TRDMT1: variants seen among roughly 807,000 people sequenced by gnomAD.
TRDMT1 encodes the protein tRNA (cytosine(38)-C(5))-methyltransferase.
In TRDMT1, 49 loss-of-function variants were observed where a neutral mutation model predicts 51.2. The ratio of observed to expected loss-of-function variants is 0.96; its 90% confidence interval spans 0.76 to 1.21. The LOEUF (loss-of-function observed/expected upper bound fraction) is 1.21, where lower values mean the gene tolerates loss of function less well. Among genes scored for constraint, TRDMT1 ranks in the 50% most tolerant of loss-of-function variants. The probability of loss-of-function intolerance (pLI) is 0.00; values close to 1 mark genes in which losing one functional copy is unlikely to be tolerated. For synonymous variants in TRDMT1, 187 were observed against 164.6 expected (o/e 1.14, Z -1.04); for missense variants, 534 against 462.3 (o/e 1.16, Z -1.42).
At chr10:17,180,993 T>C (rs1407442681) in intron 1 of TRDMT1, among the ~76,000 whole-genome samples, 5 of 152,232 alleles carry the variant, frequency 3.3e-5, no homozygotes, top group Non-Finnish European at 1.5e-5. Context: ...AAATATGATT[T>C]CTAGTTATAC....
chr10:17,146,354 C>G lies in TRDMT1; in HGVS notation c.*2686G>C. On this transcript the variant is annotated 3_prime_UTR_variant, in exon 11 of 11. Coordinates refer to ENST00000377799, the MANE Select transcript of TRDMT1 (RefSeq NM_004412.7). The stretch of plus-strand genomic sequence containing the variant: ...AAGGTCTGATTTCACAGACAGAACA[C>G]CATGGCCAGGGTCCTCTGTGAAGGT... 1 of 985,450 alleles carries G rather than the reference C, an allele frequency of 1.0e-6. No individual in the cohort carries two copies. The highest frequency in any genetic ancestry group is 4.7e-5 in the South Asian group (1 of 21,290). 61.0% of individuals were successfully genotyped at this position (985,450 alleles called of 1,614,324 possible). A position where few individuals can be genotyped will look rare whatever the true frequency, so the allele number is the denominator to read the frequency against.
At position 17,144,178 on chromosome 10, in the gene TRDMT1, C is replaced by G; in HGVS notation, c.*4862G>C. On this transcript the variant is annotated 3_prime_UTR_variant, in exon 11 of 11. Coordinates refer to ENST00000377799, the MANE Select transcript of TRDMT1 (RefSeq NM_004412.7). Reference sequence around the variant, plus strand: ...CTCTTCTTTTTCTCTTTCTCTCTTTCACTCTCATCCTCTGACCCTCTAGGT... The same window carrying G: ...CTCTTCTTTTTCTCTTTCTCTCTTTGACTCTCATCCTCTGACCCTCTAGGT... 1 of 985,712 alleles carries G rather than the reference C, an allele frequency of 1.0e-6. No individual in the cohort carries two copies. The highest frequency in any genetic ancestry group is 1.2e-6 in the Non-Finnish European group (1 of 829,974). 61.1% of individuals were successfully genotyped at this position (985,712 alleles called of 1,614,324 possible).
intron 2 of TRDMT1, among the ~76,000 whole-genome samples, chr10:17,173,001 A>C (rs1428033695): frequency 6.6e-6 from 1 of 152,184 alleles, no homozygotes; most frequent in Non-Finnish European, 1.5e-5. Flanking sequence ...ATATTTAGAT[A>C]TTTAAAAATA....
At chr10:17,159,881 A>AT (rs1314607304) in intron 6 of TRDMT1, among the ~76,000 whole-genome samples, 2 of 152,194 alleles carry the variant, frequency 1.3e-5, no homozygotes, top group East Asian at 3.8e-4. Context: ...CATGAAATGG[A>AT]AGCAGTGTTT....
At position 17,141,123 on chromosome 10, in the gene TRDMT1, C is replaced by A. The variant is rs1327175305; in HGVS notation, c.*7917G>T. 6.6e-6 allele frequency among the ~76,000 whole-genome samples: 1 copy of A among 152,194 alleles called. No individual in the cohort carries two copies. Among genetic ancestry groups the A allele is most frequent in the African/African-American group, 2.4e-5 (1 of 41,470 alleles). On this transcript the variant is annotated 3_prime_UTR_variant, in exon 11 of 11. Transcript: ENST00000377799. Reference sequence around the variant, plus strand: ...CTACTGTCATCCAAATTGTGTCCCCCGCCCCATGGCAACGTGTCATTTTTC... The same window carrying A: ...CTACTGTCATCCAAATTGTGTCCCCAGCCCCATGGCAACGTGTCATTTTTC...
chr10:17,158,686 C>T (rs558734028), intron 7 of TRDMT1, among the ~76,000 whole-genome samples: 1 of 152,228 alleles, frequency 6.6e-6, no homozygotes, highest in South Asian at 2.1e-4. Context: ...CTAATCATTA[C>T]TATATTTTAA....
intron 1 of TRDMT1, among the ~76,000 whole-genome samples, chr10:17,188,085 G>T (rs542234351): frequency 6.3e-4 from 96 of 151,562 alleles, no homozygotes; most frequent in African/African-American, 2.3e-3. Flanking sequence ...AACAAACTCT[G>T]TTTTTTGAAC....
chr10:17,200,562 A>G lies in TRDMT1; in HGVS notation c.64+1009T>C, dbSNP rs192259999. 833 of 167,598 alleles carry G rather than the reference A, an allele frequency of 5.0e-3. 2 individuals are homozygous for G. Among genetic ancestry groups the G allele is most frequent in the Middle Eastern group, 0.01 (3 of 296 alleles). 10.4% of individuals were successfully genotyped at this position (167,598 alleles called of 1,614,324 possible). A position where few individuals can be genotyped will look rare whatever the true frequency, so the allele number is the denominator to read the frequency against. On this transcript the variant is annotated intron_variant, in intron 1 of 10. Coordinates refer to ENST00000377799, the MANE Select transcript of TRDMT1 (RefSeq NM_004412.7). Reference sequence around the variant, plus strand: ...TTGGTCCTAAATAAGGAAGCAGGGAAGTTTCAGTTCGGTGGTTGTCTTAGT... The same window carrying G: ...TTGGTCCTAAATAAGGAAGCAGGGAGGTTTCAGTTCGGTGGTTGTCTTAGT...
chr10:17,153,171 G>C (rs750527778), intron 10 of TRDMT1: 27 of 418,318 alleles, frequency 6.5e-5, no homozygotes, highest in Admixed American at 2.8e-4. Context: ...GGGGTGATTA[G>C]GAGAGGACCT....
chr10:17,200,866 G>A (rs1033306989), intron 1 of TRDMT1, among the ~76,000 whole-genome samples: 6 of 152,044 alleles, frequency 3.9e-5, no homozygotes, highest in African/African-American at 9.7e-5. Context: ...AATGTATCAG[G>A]CACTAACAAG....
At chr10:17,199,058 A>T (rs1845813111) in intron 1 of TRDMT1, among the ~76,000 whole-genome samples, 1 of 152,236 alleles carries the variant, frequency 6.6e-6, no homozygotes, top group Admixed American at 6.5e-5. Context: ...AATTTAAAAG[A>T]TCCCTAATAA....
In TRDMT1 at chr10:17,144,112, C is replaced by G. The variant is rs945945219; in HGVS notation, c.*4928G>C. ...TGAAAAGTGAAGGGTAGAAAGAGAC[C>G]TGAGGACGGAACCTTCAGATAAGTC... On this transcript the variant is annotated 3_prime_UTR_variant, in exon 11 of 11. Coordinates refer to ENST00000377799, the MANE Select transcript of TRDMT1 (RefSeq NM_004412.7). 1.4e-5 allele frequency: 14 copies of G among 985,232 alleles called. No homozygotes were observed. The highest frequency in any genetic ancestry group is 1.7e-5 in the African/African-American group (1 of 57,192). The allele number at this position is 985,232 out of a possible 1,614,324, so 61.0% of individuals were successfully genotyped here.
At position 17,147,062 on chromosome 10, in the gene TRDMT1, A is replaced by G; in HGVS notation, c.*1978T>C. 3 of 985,720 alleles carry G rather than the reference A, an allele frequency of 3.0e-6. No homozygotes were observed. Among genetic ancestry groups the G allele is most frequent in the Non-Finnish European group, 2.4e-6 (2 of 829,890 alleles). 61.1% of individuals were successfully genotyped at this position (985,720 alleles called of 1,614,324 possible). ...CCTTTCAAGTATTTATAGTTGGTGCACAGTAACTCGACACTTATTTTGTAT... is the reference window on the plus strand; with the variant it reads ...CCTTTCAAGTATTTATAGTTGGTGCGCAGTAACTCGACACTTATTTTGTAT... On this transcript the variant is annotated 3_prime_UTR_variant, in exon 11 of 11. Transcript: ENST00000377799.
intron 3 of TRDMT1, among the ~76,000 whole-genome samples, chr10:17,166,012 C>T: frequency 6.6e-6 from 1 of 152,148 alleles, no homozygotes; most frequent in Non-Finnish European, 1.5e-5. Flanking sequence ...CCTGCCATCC[C>T]ATTACTGGGT....
intron 1 of TRDMT1, among the ~76,000 whole-genome samples, chr10:17,193,738 A>G (rs921324945): frequency 2.6e-5 from 4 of 152,198 alleles, no homozygotes; most frequent in East Asian, 1.9e-4. Context: ...TACTGCCTGA[A>G]GCAATCTACA....
chr10:17,199,742 C>T (rs1371720110), intron 1 of TRDMT1, among the ~76,000 whole-genome samples: 2 of 152,034 alleles, frequency 1.3e-5, no homozygotes, highest in Admixed American at 6.6e-5. Flanking sequence ...AGAAGGAAAA[C>T]GGAGTAGGGA....
In TRDMT1 at chr10:17,163,147, G is replaced by A. The variant is rs1840661074; in HGVS notation, c.252-910C>T. On this transcript the variant is annotated intron_variant, in intron 3 of 10. Coordinates refer to ENST00000377799, the MANE Select transcript of TRDMT1 (RefSeq NM_004412.7). ...GCTGAAGTCTAGATTCTATAAGCAG[G>A]AGGTGCAACTTGGTTAGAGTAACCA... Among the ~76,000 whole-genome samples, 3 of 152,168 alleles carry A rather than the reference G, an allele frequency of 2.0e-5. No homozygotes were observed. The South Asian group carries it at 6.2e-4, about 31-fold the overall frequency.
At chr10:17,160,444 A>C in intron 5 of TRDMT1, 70 bp from the exon 6 acceptor site, 7 of 1,055,234 alleles carry the variant, frequency 6.6e-6, no homozygotes, top group African/African-American at 1.6e-5. Context: ...ATGTACACAA[A>C]AGCTGGGTTT....
chr10:17,145,944 C>A lies in TRDMT1; in HGVS notation c.*3096G>T, dbSNP rs1838067055. 1 of 985,292 alleles carries A rather than the reference C, an allele frequency of 1.0e-6. No homozygotes were observed. Among genetic ancestry groups the A allele is most frequent in the Admixed American group, 6.1e-5 (1 of 16,272 alleles). The allele number at this position is 985,292 out of a possible 1,614,324, so 61.0% of individuals were successfully genotyped here. ...TCCTCAGAAGTCTCCAGCTTAATCA[C>A]TCTAGACCTCAACTAGGTTGAGATG... On this transcript the variant is annotated 3_prime_UTR_variant, in exon 11 of 11. Coordinates refer to ENST00000377799, the MANE Select transcript of TRDMT1 (RefSeq NM_004412.7).
Sources: gnomAD v4.1 joint callset for allele counts (sites outside exome capture counted in the v4.1 genomes callset) on GRCh38, gnomAD v4.1.1 for gene constraint, MANE v1.5 for transcripts, NCBI Gene and HGNC (gene_info 2026-07-23, HGNC 2026-07-21) for gene names.